MAGI2: variants seen among roughly 807,000 people sequenced by gnomAD.
MAGI2 encodes membrane associated guanylate kinase, WW and PDZ domain containing 2.
MAGI2 carries 35 observed loss-of-function variants against 133.3 expected under a neutral mutation model. The observed-to-expected ratio is 0.26, with a 90% CI of 0.20 to 0.35. The LOEUF is 0.35. Ranked by LOEUF, MAGI2 falls within the 10% of genes least tolerant of loss-of-function variation. The pLI is 1.00. For synonymous variants in MAGI2, 729 were observed against 710.6 expected, an observed-to-expected ratio of 1.03 and a Z score of -0.41; for missense variants, 1,636 against 1,863.4, an observed-to-expected ratio of 0.88 and a Z score of 2.25.
intron 1 of MAGI2, among the ~76,000 whole-genome samples, chr7:79,306,478 A>G (rs1374618537): frequency 6.6e-6 from 1 of 151,228 alleles, no homozygotes; most frequent in Non-Finnish European, 1.5e-5. Flanking sequence ...TTGATTTGAC[A>G]TGAAACCACA....
intron 14 of MAGI2, among the ~76,000 whole-genome samples, chr7:78,175,536 T>C (rs1292249815): frequency 1.3e-5 from 2 of 152,146 alleles, no homozygotes; most frequent in Non-Finnish European, 2.9e-5. Flanking sequence ...TCACGTAGCC[T>C]GGTGTGTGGG....
intron 9 of MAGI2, among the ~76,000 whole-genome samples, chr7:78,322,886 C>CAT (rs772201954): frequency 2.6e-5 from 4 of 151,906 alleles, no homozygotes; most frequent in Non-Finnish European, 2.9e-5. Flanking sequence ...GAAATATATA[C>CAT]ATATATATAT....
At chr7:78,810,847 C>A (rs998588889) in intron 2 of MAGI2, among the ~76,000 whole-genome samples, 1 of 151,898 alleles carries the variant, frequency 6.6e-6, no homozygotes, top group African/African-American at 2.4e-5. Flanking sequence ...ATAATTATTT[C>A]TTAATAAATT....
At chr7:78,167,541 T>C (rs1825731317) in intron 15 of MAGI2, among the ~76,000 whole-genome samples, 1 of 152,252 alleles carries the variant, frequency 6.6e-6, no homozygotes, top group Non-Finnish European at 1.5e-5. Context: ...TGCCTCATTA[T>C]GGCATCAAAA....
At chr7:79,294,441 C>G (rs1214584936) in intron 1 of MAGI2, among the ~76,000 whole-genome samples, 1 of 151,880 alleles carries the variant, frequency 6.6e-6, no homozygotes, top group Non-Finnish European at 1.5e-5. Context: ...CAGTATGGAA[C>G]AGGGGAAGCC....
rs181705632 is a variant in MAGI2 at position 78,983,102 on chromosome 7, A to T, written c.418+23988T>A. On this transcript the variant is annotated intron_variant, in intron 2 of 21. Coordinates refer to ENST00000354212, the MANE Select transcript of MAGI2 (RefSeq NM_012301.4). The stretch of plus-strand genomic sequence containing the variant: ...GTTAAAATGATAATCTTTGGGATAT[A>T]TTAAGTAAAATATGTTTTAAAAATT... 6.7e-3 allele frequency among the ~76,000 whole-genome samples: 1,021 copies of T among 152,124 alleles called. 8 individuals are homozygous for T. The highest frequency in any genetic ancestry group is 9.0e-3 in the Non-Finnish European group (609 of 67,936).
chr7:78,728,545 T>TATATCTGAAAAAATGATTCATCTTACTC (rs1483845832), intron 2 of MAGI2, among the ~76,000 whole-genome samples: 1 of 3,680 alleles, frequency 2.7e-4, no homozygotes, highest in African/African-American at 1.2e-3. Flanking sequence ...CTGATCTTTT[T>TATATCTGAAAAAATGATTCATCTTACTC]TTTTTTTTTT....
chr7:78,864,484 T>C (rs1361076023), intron 2 of MAGI2, among the ~76,000 whole-genome samples: 3 of 152,238 alleles, frequency 2.0e-5, no homozygotes, highest in Non-Finnish European at 4.4e-5. Context: ...CTCTGGTGAA[T>C]GGGTTAAATT....
At chr7:78,715,944 C>A (rs1230548154) in intron 2 of MAGI2, among the ~76,000 whole-genome samples, 2 of 121,036 alleles carry the variant, frequency 1.7e-5, no homozygotes, top group Non-Finnish European at 3.7e-5. Context: ...ATCTTGGAAT[C>A]ATAATTTCAT....
At chr7:78,469,815 T>C (rs1476331140) in intron 6 of MAGI2, among the ~76,000 whole-genome samples, 1 of 152,088 alleles carries the variant, frequency 6.6e-6, no homozygotes, top group Admixed American at 6.6e-5. Context: ...TGATTTTCCT[T>C]CCCCTCATCT....
chr7:78,258,896 A>G (rs1793258397), intron 9 of MAGI2, among the ~76,000 whole-genome samples: 2 of 152,176 alleles, frequency 1.3e-5, no homozygotes, highest in Admixed American at 6.5e-5. Flanking sequence ...TAACTCTGCT[A>G]TGAACCCCAT....
chr7:78,353,273 A>G (rs1271992186), intron 7 of MAGI2, among the ~76,000 whole-genome samples: 1 of 152,262 alleles, frequency 6.6e-6, no homozygotes, highest in African/African-American at 2.4e-5. Context: ...GGTGTCTGAC[A>G]ATCTGACTAA....
intron 1 of MAGI2, among the ~76,000 whole-genome samples, chr7:79,060,653 G>A (rs951952295): frequency 2.0e-5 from 3 of 152,086 alleles, no homozygotes; most frequent in African/African-American, 7.2e-5. Flanking sequence ...AATCTGCAAA[G>A]AGACCAACAG....
At chr7:79,193,273 G>A (rs974500315) in intron 1 of MAGI2, among the ~76,000 whole-genome samples, 3 of 151,848 alleles carry the variant, frequency 2.0e-5, no homozygotes, top group Non-Finnish European at 4.4e-5. Flanking sequence ...TCGCTTATGC[G>A]GACAATGTTG....
intron 21 of MAGI2, among the ~76,000 whole-genome samples, chr7:78,067,445 T>C (rs1269004784): frequency 6.6e-6 from 1 of 152,182 alleles, no homozygotes; most frequent in East Asian, 1.9e-4. Flanking sequence ...ATTATGAGTG[T>C]ATGTGTCCAA....
At chr7:79,094,000 C>A (rs1046769053) in intron 1 of MAGI2, among the ~76,000 whole-genome samples, 3 of 152,046 alleles carry the variant, frequency 2.0e-5, no homozygotes, top group Non-Finnish European at 2.9e-5. Flanking sequence ...CAGGTGTGAG[C>A]CACCTCACCT....
intron 1 of MAGI2, among the ~76,000 whole-genome samples, chr7:79,205,147 C>G (rs1828933855): frequency 6.6e-6 from 1 of 151,698 alleles, no homozygotes; most frequent in Admixed American, 6.6e-5. Flanking sequence ...CACATAATGT[C>G]AAATCCACAT....
chr7:78,504,545 G>T (rs1794918473), intron 4 of MAGI2, among the ~76,000 whole-genome samples: 1 of 152,094 alleles, frequency 6.6e-6, no homozygotes, highest in South Asian at 2.1e-4. Flanking sequence ...GGGCTGAAAG[G>T]TAGTGAGAGG....
intron 2 of MAGI2, among the ~76,000 whole-genome samples, chr7:78,681,344 T>C (rs1815635114): frequency 6.6e-6 from 1 of 152,194 alleles, no homozygotes; most frequent in Non-Finnish European, 1.5e-5. Flanking sequence ...CTTTCTTTCA[T>C]ATTCCTGGTC....
Sources: gnomAD v4.1 joint callset for allele counts (sites outside exome capture counted in the v4.1 genomes callset) on GRCh38, gnomAD v4.1.1 for gene constraint, MANE v1.5 for transcripts, NCBI Gene and HGNC (gene_info 2026-07-23, HGNC 2026-07-21) for gene names.